CREBRF: variants seen among roughly 807,000 people sequenced by gnomAD.
CREBRF encodes CREB3 regulatory factor.
CREBRF carries 5 observed loss-of-function variants against 66.1 expected under a neutral mutation model. That is an observed-to-expected ratio of 0.08 (90% CI 0.04 to 0.16). The LOEUF (loss-of-function observed/expected upper bound fraction) is 0.16. CREBRF is among the 10% of genes least tolerant of loss of function. The probability of loss-of-function intolerance (pLI) is 1.00; values close to 1 mark genes in which losing one functional copy is unlikely to be tolerated. For synonymous variants in CREBRF, 229 were observed against 264.4 expected (o/e 0.87, Z 1.30); for missense variants, 531 against 744.9 (o/e 0.71, Z 3.34).
rs1758298630 is a variant in CREBRF, at chr5:173,090,680, C to T, written c.501C>T (p.Pro167=). 1 of 1,614,170 alleles carries T rather than the reference C, an allele frequency of 6.2e-7. No homozygotes were observed. Among genetic ancestry groups the T allele is most frequent in the South Asian group, 1.1e-5 (1 of 91,076 alleles). The change falls in exon 4 of 9, where the codon CCC becomes CCT. Residue 167 remains proline, a synonymous_variant. Transcript: ENST00000296953. This position sits in a 1 kb window ranked among gnomAD's most constrained non-coding sequence, Gnocchi z 4.5. The part of the protein sequence containing the change: ...PDSLFSVKQN[P]LPSSFPGKKI... Reference sequence around the variant, plus strand: ...CACTTTTCAGTGTCAAACAAAATCCCTTACCCTCTTCATTCCCTGGTAAAA... The same window carrying T: ...CACTTTTCAGTGTCAAACAAAATCCTTTACCCTCTTCATTCCCTGGTAAAA...
intron 3 of CREBRF, among the ~76,000 whole-genome samples, chr5:173,087,566 C>T (rs992335415): frequency 1.3e-5 from 2 of 151,636 alleles, no homozygotes; most frequent in East Asian, 2.0e-4. Flanking sequence ...CATGGTAGTG[C>T]GCACCTGTAG....
chr5:173,067,747 C>T (rs1184372247), intron 1 of CREBRF, among the ~76,000 whole-genome samples: 1 of 152,184 alleles, frequency 6.6e-6, no homozygotes, highest in Non-Finnish European at 1.5e-5. Context: ...CCTGTAATCC[C>T]AGCACTTTGG....
intron 8 of CREBRF, among the ~76,000 whole-genome samples, chr5:173,130,909 G>C (rs1759408927): frequency 6.6e-6 from 1 of 152,128 alleles, no homozygotes; most frequent in Non-Finnish European, 1.5e-5. Flanking sequence ...GTTTCACCAT[G>C]TTGGCCAGGC....
chr5:173,058,732 C>G (rs367847632), intron 1 of CREBRF, among the ~76,000 whole-genome samples: 3 of 150,818 alleles, frequency 2.0e-5, no homozygotes, highest in Non-Finnish European at 3.0e-5. Flanking sequence ...TGATCCGCCC[C>G]CCTCGGCCTC....
At chr5:173,082,016 T>G (rs1408215771) in intron 2 of CREBRF, among the ~76,000 whole-genome samples, 1 of 129,466 alleles carries the variant, frequency 7.7e-6, no homozygotes, top group South Asian at 3.0e-4. Context: ...TTTTTTTTTT[T>G]TTTTTTTTTT....
chr5:173,066,398 C>G (rs1411611515), intron 1 of CREBRF, among the ~76,000 whole-genome samples: 1 of 152,046 alleles, frequency 6.6e-6, no homozygotes, highest in Non-Finnish European at 1.5e-5. Context: ...ATAACAAAGT[C>G]CAATTCACCT....
intron 5 of CREBRF, chr5:173,109,921 T>C (rs1037605090): frequency 6.5e-6 from 1 of 154,910 alleles, no homozygotes; most frequent in Non-Finnish European, 1.4e-5. Context: ...AGGAAAGTTG[T>C]AGGAGTTCAG....
rs1561810473 is a variant in CREBRF at position 173,106,228 on chromosome 5, A to G, written c.1223-2396A>G. ...GTGGATCATGAGGTCAGGAGATCGA[A>G]ACCATCCTGGCTAACATGGTGAAAC... On this transcript the variant is annotated intron_variant, in intron 4 of 8. Transcript: ENST00000296953. Among the ~76,000 whole-genome samples, 3 of 151,240 alleles carry G rather than the reference A, an allele frequency of 2.0e-5. No individual in the cohort carries two copies. In the East Asian group the frequency reaches 6.0e-4, roughly 30 times the overall value.
At chr5:173,103,160 G>T (rs1385447639) in intron 4 of CREBRF, among the ~76,000 whole-genome samples, 2 of 152,176 alleles carry the variant, frequency 1.3e-5, no homozygotes, top group Admixed American at 1.3e-4. Flanking sequence ...TACATTAGCA[G>T]GCATTTGGCA....
chr5:173,079,802 C>G (rs1757882127), intron 1 of CREBRF, among the ~76,000 whole-genome samples: 1 of 152,160 alleles, frequency 6.6e-6, no homozygotes, highest in Non-Finnish European at 1.5e-5. Flanking sequence ...TGATCTTGGA[C>G]AGGAAAATGA....
At chr5:173,072,067 T>A (rs916418973) in intron 1 of CREBRF, among the ~76,000 whole-genome samples, 41 of 151,988 alleles carry the variant, frequency 2.7e-4, no homozygotes, top group Admixed American at 3.9e-4. Flanking sequence ...AAAATTATTT[T>A]AATAATTTTC....
intron 8 of CREBRF, among the ~76,000 whole-genome samples, chr5:173,128,455 CTT>C (rs755877611): frequency 6.3e-5 from 9 of 143,392 alleles, no homozygotes; most frequent in Non-Finnish European, 3.1e-5. Flanking sequence ...AAGTTTTTTC[CTT>C]TTTTTTTTTG....
At chr5:173,121,870 G>T (rs1020345814) in intron 7 of CREBRF, among the ~76,000 whole-genome samples, 1 of 151,308 alleles carries the variant, frequency 6.6e-6, no homozygotes, top group East Asian at 1.9e-4. Flanking sequence ...ATTTTTTTTA[G>T]TTGGAGATGG....
intron 8 of CREBRF, chr5:173,123,762 G>A (rs903993166): frequency 6.6e-6 from 1 of 152,278 alleles, no homozygotes; most frequent in African/African-American, 2.4e-5. Context: ...AAGGCATCCA[G>A]CGTTATATGA....
chr5:173,110,463 A>G, intron 5 of CREBRF, 59 bp from the exon 6 acceptor site: 1 of 1,272,768 alleles, frequency 7.9e-7, no homozygotes, highest in East Asian at 2.3e-5. Flanking sequence ...TGGCCGTGAA[A>G]AACGTGTCTC....
intron 3 of CREBRF, among the ~76,000 whole-genome samples, chr5:173,089,019 A>G (rs1483964323): frequency 6.6e-6 from 1 of 151,970 alleles, no homozygotes; most frequent in Admixed American, 6.6e-5. Flanking sequence ...TCTACTAAAA[A>G]TACAAAAAAA....
chr5:173,104,936 A>G (rs750451816), intron 4 of CREBRF, among the ~76,000 whole-genome samples: 3 of 152,222 alleles, frequency 2.0e-5, no homozygotes, highest in Non-Finnish European at 4.4e-5. Flanking sequence ...TAAACTTAAC[A>G]TGAAATATAT....
chr5:173,098,172 A>G (rs1758524629), intron 4 of CREBRF, among the ~76,000 whole-genome samples: 1 of 145,562 alleles, frequency 6.9e-6, no homozygotes, highest in African/African-American at 2.5e-5. Context: ...CTATTTGTCA[A>G]TTTTCCAATT....
At position 173,123,273 on chromosome 5, in the gene CREBRF, A is replaced by G. The variant is rs1325953648; in HGVS notation, c.1804+71A>G. ...AAGATGTATGATTTAAGGGGATATT[A>G]AAAGTTCTTTTAGTTTAAGGAAAAA... On this transcript the variant is annotated intron_variant, in intron 8 of 8. Coordinates refer to ENST00000296953, the MANE Select transcript of CREBRF (RefSeq NM_153607.3). The G allele has an allele frequency of 2.3e-4, 344 of 1,465,482 alleles. 1 individual carries two copies. Among genetic ancestry groups the G allele is most frequent in the Non-Finnish European group, 2.4e-5 (26 of 1,093,944 alleles). The allele number at this position is 1,465,482 out of a possible 1,614,324, so 90.8% of individuals were successfully genotyped here. A position where few individuals can be genotyped will look rare whatever the true frequency, so the allele number is the denominator to read the frequency against.
Sources: allele counts gnomAD v4.1 joint callset (sites outside exome capture counted in the v4.1 genomes callset), GRCh38; gene constraint gnomAD v4.1.1; non-coding constraint Gnocchi (gnomAD v3.1); transcripts MANE v1.5; gene names NCBI Gene and HGNC (gene_info 2026-07-23, HGNC 2026-07-21).